PKHD1: variants seen among roughly 807,000 people sequenced by gnomAD.
The protein encoded by PKHD1 is fibrocystin.
PKHD1 carries 291 observed loss-of-function variants against 412.0 expected under a neutral mutation model. The observed-to-expected ratio is 0.71, with a 90% CI of 0.64 to 0.78. The LOEUF is 0.78. Ranked by LOEUF, PKHD1 falls within the 30% of genes least tolerant of loss-of-function variation. The pLI, the probability that PKHD1 is intolerant of heterozygous loss-of-function variation, is 0.00. For missense variants in PKHD1, 4,825 were observed against 4,950.7 expected, an observed-to-expected ratio of 0.97 and a Z score of 0.76; for synonymous variants, 1,777 against 1,821.5, an observed-to-expected ratio of 0.98 and a Z score of 0.62.
At chr6:51,939,071 C>T (rs113006825) in intron 36 of PKHD1, among the ~76,000 whole-genome samples, 23,978 of 151,460 alleles carry the variant, frequency 0.16, 2,669 homozygotes, top group Non-Finnish European at 0.21. Context: ...GATTATTCAC[C>T]CACATTTCAG....
intron 36 of PKHD1, among the ~76,000 whole-genome samples, chr6:51,940,707 G>A (rs142620057): frequency 0.014 from 2,192 of 151,634 alleles, 67 homozygotes; most frequent in African/African-American, 0.05. Flanking sequence ...CAGACGCTCT[G>A]GGTAACTCTC....
rs759338217 is a variant in PKHD1, at chr6:52,083,248, G to T, written c.60C>A (p.His20Gln). ...CTTCAGGTTCAATATGTAAACTCAG[G>T]TGACGTACTGTAAGTAAGTGAAAAA... ...SIEVLLLAVR[H>Q]LSLHIEPEEG... The change falls in exon 3 of 67, where the codon CAC becomes CAA. Residue 20 changes from histidine (H) to glutamine (Q), a missense_variant. Physicochemically the swap from His to Gln is conservative, Grantham distance 24 (BLOSUM62 0). Transcript: ENST00000371117. 5.0e-6 allele frequency: 8 copies of T among 1,600,462 alleles called. No homozygotes were observed. In the African/African-American group the frequency reaches 1.1e-4, roughly 21 times the overall value.
chr6:52,030,799 C>T (rs1187622415), intron 29 of PKHD1, among the ~76,000 whole-genome samples: 1 of 152,040 alleles, frequency 6.6e-6, no homozygotes, highest in African/African-American at 2.4e-5. Context: ...TTTTATAGCC[C>T]CAGGGTTTTC....
rs1785505621 is a variant in PKHD1 at position 51,748,287 on chromosome 6, T to C, written c.9329A>G (p.Lys3110Arg). 3 of 1,613,962 alleles carry C rather than the reference T, an allele frequency of 1.9e-6. No individual in the cohort carries two copies. Among genetic ancestry groups the C allele is most frequent in the Non-Finnish European group, 2.5e-6 (3 of 1,179,984 alleles). ...CCAAAGCAGTTCACAAGAGGAGCAC[T>C]TGTGGCCTCGGATGTGAAAGCCAAG... is the stretch of plus-strand genomic sequence containing the variant. The part of the protein sequence containing the change: ...ERLGFHIRGH[K>R]CSSCELLWSD... The change falls in exon 58 of 67, where the codon AAG (lysine) becomes AGG (arginine). Residue 3110 changes from lysine (K) to arginine (R), a missense_variant. Transcript: ENST00000371117.
intron 42 of PKHD1, 121 bp from the exon 43 acceptor site, chr6:51,903,848 T>G: frequency 2.5e-6 from 1 of 398,038 alleles, no homozygotes; most frequent in Non-Finnish European, 4.3e-6. Flanking sequence ...TATATATATA[T>G]ATATATATAT....
chr6:52,013,673 A>T (rs9349613), intron 34 of PKHD1, among the ~76,000 whole-genome samples: 5 of 151,922 alleles, frequency 3.3e-5, no homozygotes, highest in African/African-American at 9.7e-5. Flanking sequence ...CACACTGCAC[A>T]CACACACACA....
chr6:52,055,735 T>C lies in PKHD1; in HGVS notation c.1694-6A>G, dbSNP rs1279636771. 6.2e-7 allele frequency: 1 copy of C among 1,613,754 alleles called. No individual in the cohort carries two copies. Among genetic ancestry groups the C allele is most frequent in the East Asian group, 2.2e-5 (1 of 44,884 alleles). The stretch of plus-strand genomic sequence containing the variant: ...AGAGTTGGAAACTTCTGGGCCTGGA[T>C]GCAGTTCAGATAAAATAGAAAGGCA... On this transcript the variant is annotated splice_polypyrimidine_tract_variant and splice_region_variant and intron_variant, in intron 18 of 66. Coordinates refer to ENST00000371117, the MANE Select transcript of PKHD1 (RefSeq NM_138694.4).
At chr6:51,992,431 T>C (rs1233095080) in intron 35 of PKHD1, among the ~76,000 whole-genome samples, 1 of 152,254 alleles carries the variant, frequency 6.6e-6, no homozygotes, top group East Asian at 1.9e-4. Flanking sequence ...TTATGAATTC[T>C]GTGAGCAGAA....
At chr6:51,989,295 T>C (rs1235763656) in intron 35 of PKHD1, among the ~76,000 whole-genome samples, 2 of 152,262 alleles carry the variant, frequency 1.3e-5, no homozygotes, top group African/African-American at 4.8e-5. Context: ...CTCCCTTCTT[T>C]GCTTTTTCTG....
At chr6:51,640,962 G>C (rs1220917953) in intron 63 of PKHD1, among the ~76,000 whole-genome samples, 1 of 152,182 alleles carries the variant, frequency 6.6e-6, no homozygotes, top group South Asian at 2.1e-4. Flanking sequence ...AAAAGATTTA[G>C]AGGAGATATA....
intron 35 of PKHD1, among the ~76,000 whole-genome samples, chr6:51,978,777 G>T (rs145884342): frequency 1.3e-5 from 2 of 152,132 alleles, no homozygotes; most frequent in Non-Finnish European, 2.9e-5. Context: ...ATTCTTCCTG[G>T]ATCCTGTCAC....
intron 35 of PKHD1, among the ~76,000 whole-genome samples, chr6:51,997,190 A>G (rs1797816258): frequency 6.6e-6 from 1 of 152,178 alleles, no homozygotes; most frequent in Non-Finnish European, 1.5e-5. Context: ...TGACAACCAC[A>G]TTGTGGCCAC....
chr6:51,829,675 G>A (rs1767921639), intron 52 of PKHD1, among the ~76,000 whole-genome samples: 1 of 152,100 alleles, frequency 6.6e-6, no homozygotes. Context: ...TCGTGTCTCT[G>A]GGCACAGTTA....
At chr6:51,779,852 A>G (rs754602966) in intron 53 of PKHD1, among the ~76,000 whole-genome samples, 3 of 152,156 alleles carry the variant, frequency 2.0e-5, no homozygotes, top group Non-Finnish European at 4.4e-5. Context: ...ATTTGACATA[A>G]CAGGCATAGA....
intron 55 of PKHD1, among the ~76,000 whole-genome samples, chr6:51,761,179 C>A (rs560905739): frequency 6.6e-6 from 1 of 151,980 alleles, no homozygotes; most frequent in Non-Finnish European, 1.5e-5. Flanking sequence ...AATCTAGGTG[C>A]CCATCGACAA....
At chr6:51,721,092 C>T in intron 60 of PKHD1, 1 of 984,386 alleles carries the variant, frequency 1.0e-6, no homozygotes, top group Non-Finnish European at 1.2e-6. Context: ...GTATCTGTAA[C>T]TATTTCCTCC....
intron 37 of PKHD1, among the ~76,000 whole-genome samples, chr6:51,920,216 G>A (rs995601174): frequency 6.6e-6 from 1 of 152,226 alleles, no homozygotes; most frequent in Non-Finnish European, 1.5e-5. Context: ...GTTTTCAAAG[G>A]GAATGCTTCT....
intron 36 of PKHD1, among the ~76,000 whole-genome samples, chr6:51,946,078 G>T (rs541492703): frequency 5.2e-4 from 79 of 152,272 alleles, no homozygotes; most frequent in Non-Finnish European, 7.9e-4. Flanking sequence ...ATAAACATGG[G>T]CTTTGTCCCT....
chr6:51,884,963 T>C (rs146138128), intron 45 of PKHD1, among the ~76,000 whole-genome samples: 41 of 152,352 alleles, frequency 2.7e-4, no homozygotes, highest in African/African-American at 9.9e-4. Flanking sequence ...GTCCTAATTG[T>C]ATATTTTTGG....
Sources: allele counts gnomAD v4.1 joint callset (sites outside exome capture counted in the v4.1 genomes callset), GRCh38; gene constraint gnomAD v4.1.1; transcripts MANE v1.5; gene names NCBI Gene and HGNC (gene_info 2026-07-23, HGNC 2026-07-21).